The following SDK1 variants were observed in gnomAD, a reference collection of about 807,000 sequenced individuals.
SDK1 encodes sidekick cell adhesion molecule 1.
In SDK1, 157 loss-of-function variants were observed where a neutral mutation model predicts 245.5. The observed-to-expected ratio is 0.64, with a 90% confidence interval of 0.56 to 0.73. SDK1 has a LOEUF of 0.73. Among genes scored for constraint, SDK1 ranks in the 30% least tolerant of loss-of-function variants. SDK1 has a pLI of 0.00. For synonymous variants in SDK1, 1,647 were observed against 1,278.5 expected, an observed-to-expected ratio of 1.29 and a Z score of -6.15; for missense variants, 3,583 against 3,002.3, an observed-to-expected ratio of 1.19 and a Z score of -4.52.
chr7:4,219,340 G>A (rs1785008306), intron 38 of SDK1, among the ~76,000 whole-genome samples: 1 of 152,156 alleles, frequency 6.6e-6, no homozygotes, highest in African/African-American at 2.4e-5. Context: ...TGCTAATAAA[G>A]ACATACTTGA....
At chr7:4,178,177 G>C (rs1207106674) in intron 34 of SDK1, among the ~76,000 whole-genome samples, 1 of 152,228 alleles carries the variant, frequency 6.6e-6, no homozygotes, top group South Asian at 2.1e-4. Context: ...GCTATGGCTA[G>C]TGGCCCAGGG....
At chr7:3,806,777 T>G (rs1779260382) in intron 4 of SDK1, among the ~76,000 whole-genome samples, 1 of 144,258 alleles carries the variant, frequency 6.9e-6, no homozygotes, top group Non-Finnish European at 1.5e-5. Flanking sequence ...AACTGCACAA[T>G]CATTAACTGG....
intron 5 of SDK1, among the ~76,000 whole-genome samples, chr7:3,927,660 C>G (rs948351826): frequency 6.6e-6 from 1 of 152,264 alleles, no homozygotes; most frequent in East Asian, 1.9e-4. Flanking sequence ...AAGAGTCCAT[C>G]TGTCTCCTCT....
intron 1 of SDK1, among the ~76,000 whole-genome samples, chr7:3,315,281 C>A (rs1410282503): frequency 1.3e-5 from 2 of 152,186 alleles, no homozygotes; most frequent in African/African-American, 4.8e-5. Context: ...TGGCATCAGG[C>A]ATTGTGCTAA....
chr7:3,762,762 C>A (rs1317566874), intron 4 of SDK1, among the ~76,000 whole-genome samples: 1 of 152,244 alleles, frequency 6.6e-6, no homozygotes, highest in African/African-American at 2.4e-5. Flanking sequence ...GTGAAGAGAC[C>A]ACTGACTTTT....
At chr7:3,698,523 G>C (rs1405864598) in intron 4 of SDK1, among the ~76,000 whole-genome samples, 1 of 152,092 alleles carries the variant, frequency 6.6e-6, no homozygotes, top group Non-Finnish European at 1.5e-5. Flanking sequence ...AGCGTCAGTG[G>C]AGGCGTATAA....
At chr7:3,882,611 A>AT (rs1434777946) in intron 5 of SDK1, among the ~76,000 whole-genome samples, 1 of 152,228 alleles carries the variant, frequency 6.6e-6, no homozygotes, top group East Asian at 1.9e-4. Context: ...AGAAGTGTAC[A>AT]TGGAGCCAGT....
rs1017110636 is a variant in SDK1 at position 3,591,253 on chromosome 7, T to C, written c.299-27827T>C. Among the ~76,000 whole-genome samples the C allele has an allele frequency of 6.6e-5, 10 of 152,336 alleles. No homozygotes were observed. The East Asian group carries it at 1.2e-3, about 18-fold the overall frequency. On this transcript the variant is annotated intron_variant, in intron 1 of 44. Coordinates refer to ENST00000404826, the MANE Select transcript of SDK1 (RefSeq NM_152744.4). Reference sequence around the variant, plus strand: ...AGTATAAGGATTACCTTTTTCCTTTTGCAGTGTCATAATACTGAGTGCCAG... The same window carrying C: ...AGTATAAGGATTACCTTTTTCCTTTCGCAGTGTCATAATACTGAGTGCCAG...
At chr7:3,974,567 G>C in intron 13 of SDK1, 22 bp downstream of exon 13, 3 of 1,606,926 alleles carry the variant, frequency 1.9e-6, no homozygotes, top group Non-Finnish European at 2.6e-6. Flanking sequence ...GACGTTTGGT[G>C]TTAGCCAGTC....
intron 30 of SDK1, among the ~76,000 whole-genome samples, chr7:4,155,986 C>T (rs1780707721): frequency 2.0e-5 from 3 of 152,204 alleles, no homozygotes; most frequent in Non-Finnish European, 4.4e-5. Flanking sequence ...TCCATAGGAA[C>T]AGCTGATCCT....
chr7:3,969,424 A>C lies in SDK1; in HGVS notation c.1714A>C (p.Asn572His). The C allele has an allele frequency of 6.4e-7, 1 of 1,573,604 alleles. No individual in the cohort carries two copies. The highest frequency in any genetic ancestry group is 8.6e-7 in the Non-Finnish European group (1 of 1,157,262). Residue 572 changes from asparagine (N) to histidine (H), a missense_variant and splice_region_variant, in exon 11 of 45, where the codon AAT becomes CAT. Physicochemically the swap from Asn to His is moderately conservative, Grantham distance 68. Coordinates refer to ENST00000404826, the MANE Select transcript of SDK1 (RefSeq NM_152744.4). The stretch of plus-strand genomic sequence containing the variant: ...TGCATCGGCCACGCTCACTGTGTGG[A>C]GTAAGGAGCAGCCCTCGCACGTCGG... ...LNASATLTVW[N>H]RTSIVHPPED...
intron 35 of SDK1, among the ~76,000 whole-genome samples, chr7:4,194,294 G>A (rs1386324847): frequency 2.4e-4 from 24 of 100,498 alleles, no homozygotes; most frequent in Admixed American, 1.5e-3. Context: ...ATGTATGCAC[G>A]TATGTGTATA....
intron 5 of SDK1, among the ~76,000 whole-genome samples, chr7:3,936,806 T>G (rs2128119583): frequency 6.6e-6 from 1 of 152,294 alleles, no homozygotes; most frequent in Non-Finnish European, 1.5e-5. Context: ...GGAGGCGCTG[T>G]GTCCTCTGGG....
At chr7:3,603,410 G>T (rs954355911) in intron 1 of SDK1, among the ~76,000 whole-genome samples, 9 of 151,172 alleles carry the variant, frequency 6.0e-5, no homozygotes, top group African/African-American at 1.7e-4. Context: ...CCCTTGTAAG[G>T]TGGATTCCTA....
chr7:3,647,208 G>A (rs555088652), intron 4 of SDK1, among the ~76,000 whole-genome samples: 42 of 152,328 alleles, frequency 2.8e-4, no homozygotes, highest in Non-Finnish European at 3.7e-4. Flanking sequence ...CTGTGATCAC[G>A]CTATAGCAGT....
chr7:3,548,221 C>T (rs1023119691), intron 1 of SDK1, among the ~76,000 whole-genome samples: 3 of 152,126 alleles, frequency 2.0e-5, no homozygotes, highest in African/African-American at 7.2e-5. Context: ...AAACTCAGTT[C>T]ATGGAAGGTG....
intron 4 of SDK1, among the ~76,000 whole-genome samples, chr7:3,774,795 C>T (rs1383050427): frequency 6.6e-6 from 1 of 152,144 alleles, no homozygotes; most frequent in South Asian, 2.1e-4. Context: ...TACTCTTTGT[C>T]CAGCCTTATA....
At chr7:3,447,497 T>C (rs77999363) in intron 1 of SDK1, among the ~76,000 whole-genome samples, 2 of 152,252 alleles carry the variant, frequency 1.3e-5, no homozygotes, top group African/African-American at 4.8e-5. Context: ...GACCATTCGC[T>C]AAGTTGCCCC....
At chr7:3,339,353 C>T (rs1780285264) in intron 1 of SDK1, among the ~76,000 whole-genome samples, 1 of 152,102 alleles carries the variant, frequency 6.6e-6, no homozygotes, top group African/African-American at 2.4e-5. Context: ...TAATAAATAA[C>T]TGAAGTCTTA....
Sources: allele counts gnomAD v4.1 joint callset (sites outside exome capture counted in the v4.1 genomes callset), GRCh38; gene constraint gnomAD v4.1.1; transcripts MANE v1.5; gene names NCBI Gene and HGNC (gene_info 2026-07-23, HGNC 2026-07-21).